The following RFX2 variants were observed in gnomAD, a reference collection of about 807,000 sequenced individuals.
RFX2 encodes regulatory factor X2.
RFX2 carries 20 observed loss-of-function variants against 87.8 expected under a neutral mutation model. The ratio of observed to expected loss-of-function variants is 0.23; its 90% CI spans 0.16 to 0.33. The LOEUF (loss-of-function observed/expected upper bound fraction) is 0.33. Ranked by LOEUF, RFX2 falls within the 10% of genes least tolerant of loss-of-function variation. The pLI, the probability that RFX2 is intolerant of heterozygous loss-of-function variation, is 1.00. For synonymous variants in RFX2, 397 were observed against 431.3 expected, an observed-to-expected ratio of 0.92 and a Z score of 0.98; for missense variants, 767 against 1,012.3, an observed-to-expected ratio of 0.76 and a Z score of 3.29.
At chr19:6,070,361 A>G (rs2087588927) in intron 1 of RFX2, among the ~76,000 whole-genome samples, 1 of 151,746 alleles carries the variant, frequency 6.6e-6, no homozygotes, top group African/African-American at 2.4e-5. Context: ...CTGGAAGGTG[A>G]CACCAAGTCA....
Position 6,074,630 on chromosome 19 carries a change from G to T in RFX2, c.-8-27126C>A, listed in dbSNP as rs2087662175. 6.6e-6 allele frequency among the ~76,000 whole-genome samples: 1 copy of T among 152,190 alleles called. No homozygotes were observed. Among genetic ancestry groups the T allele is most frequent in the Non-Finnish European group, 1.5e-5 (1 of 68,030 alleles). ...CTCAGGGAGAGACAGACGACACCAT[G>T]GACACAGAACAGCAGGAGGTGACAA... On this transcript the variant is annotated intron_variant, in intron 1 of 17. Coordinates refer to ENST00000303657, the MANE Select transcript of RFX2 (RefSeq NM_000635.4). This position sits in a 1 kb window ranked among gnomAD's most constrained non-coding sequence, Gnocchi z 5.2.
At chr19:5,994,995 C>G (rs538563334) in intron 17 of RFX2, 45 bp from the exon 18 acceptor site, 1 of 1,448,990 alleles carries the variant, frequency 6.9e-7, no homozygotes, top group Non-Finnish European at 9.6e-7. Flanking sequence ...CAGGAGGGCA[C>G]GAGAGGGAGA....
At chr19:6,070,472 C>T (rs1290131822) in intron 1 of RFX2, among the ~76,000 whole-genome samples, 1 of 152,016 alleles carries the variant, frequency 6.6e-6, no homozygotes, top group Non-Finnish European at 1.5e-5. Context: ...TGCTGGGGGC[C>T]TCCACTCTCA....
chr19:6,024,965 G>A lies in RFX2; in HGVS notation c.597+1198C>T, dbSNP rs541241515. Among the ~76,000 whole-genome samples the A allele has an allele frequency of 6.6e-6, 1 of 151,908 alleles. No homozygotes were observed. The highest frequency in any genetic ancestry group is 2.1e-4 in the South Asian group (1 of 4,808). Reference sequence around the variant, plus strand: ...GGGATCACGGTGAGGACGGGAGTCAGGACGGGATCACGGTGATGACTGGGG... The same window carrying A: ...GGGATCACGGTGAGGACGGGAGTCAAGACGGGATCACGGTGATGACTGGGG... On this transcript the variant is annotated intron_variant, in intron 6 of 17. Transcript: ENST00000303657. The surrounding 1 kb of genome is among the most constrained non-coding windows in gnomAD (Gnocchi z 5.0).
chr19:6,082,529 C>T (rs1366658056), intron 1 of RFX2, among the ~76,000 whole-genome samples: 1 of 152,066 alleles, frequency 6.6e-6, no homozygotes, highest in African/African-American at 2.4e-5. Context: ...AACTCCTGGG[C>T]TCAAGCCATC....
In RFX2 at chr19:5,993,371, G is replaced by A. The variant is rs559989192; in HGVS notation, c.*1464C>T. On this transcript the variant is annotated 3_prime_UTR_variant, in exon 18 of 18. Transcript: ENST00000303657. ...CTTTTCGTTTCTAAAGTGAGCACGCGTCTTTGTCTTCCTGCACCCCTCACT... is the reference window on the plus strand; with the variant it reads ...CTTTTCGTTTCTAAAGTGAGCACGCATCTTTGTCTTCCTGCACCCCTCACT... 14 of 152,328 alleles carry A rather than the reference G, an allele frequency of 9.2e-5. 1 individual carries two copies. Among genetic ancestry groups the A allele is most frequent in the Admixed American group, 6.5e-4 (10 of 15,300 alleles). 9.4% of individuals were successfully genotyped at this position (152,328 alleles called of 1,614,324 possible).
chr19:6,063,663 G>A lies in RFX2; in HGVS notation c.-8-16159C>T, dbSNP rs1326496045. Among the ~76,000 whole-genome samples, 4 of 152,232 alleles carry A rather than the reference G, an allele frequency of 2.6e-5. No individual in the cohort carries two copies. Among genetic ancestry groups the A allele is most frequent in the African/African-American group, 9.6e-5 (4 of 41,454 alleles). ...TCCCAGGCAAGTGATGAGCAGTGGG[G>A]AAACCCTCTCTCCAGTCAGCTTGTC... is the stretch of plus-strand genomic sequence containing the variant. On this transcript the variant is annotated intron_variant, in intron 1 of 17. Transcript: ENST00000303657. This position sits in a 1 kb window ranked among gnomAD's most constrained non-coding sequence, Gnocchi z 4.0.
chr19:6,051,985 C>G (rs914553378), intron 1 of RFX2, among the ~76,000 whole-genome samples: 1 of 152,196 alleles, frequency 6.6e-6, no homozygotes, highest in African/African-American at 2.4e-5. Flanking sequence ...TCACGCCATT[C>G]TCCTGCCTCA....
chr19:6,047,570 T>A lies in RFX2; in HGVS notation c.-8-66A>T. On this transcript the variant is annotated intron_variant, in intron 1 of 17. Transcript: ENST00000303657. The surrounding 1 kb of genome is among the most constrained non-coding windows in gnomAD (Gnocchi z 4.2). ...AAGCACTGAAATCCGAAGAGGCAAC[T>A]AACAAGTTCAAGGGAGGGAAGGAGT... 1 of 1,314,728 alleles carries A rather than the reference T, an allele frequency of 7.6e-7. No homozygotes were observed. The highest frequency in any genetic ancestry group is 1.1e-6 in the Non-Finnish European group (1 of 933,174). The allele number at this position is 1,314,728 out of a possible 1,614,324, so 81.4% of individuals were successfully genotyped here. A position where few individuals can be genotyped will look rare whatever the true frequency, so the allele number is the denominator to read the frequency against.
At position 6,063,143 on chromosome 19, in the gene RFX2, C is replaced by T. The variant is rs1479273509; in HGVS notation, c.-8-15639G>A. ...CCAGCTACTTGGTTTGAAACTCTCCCCTGGCGCCTGCTCTGTGGGGAAAGC... is the reference window on the plus strand; with the variant it reads ...CCAGCTACTTGGTTTGAAACTCTCCTCTGGCGCCTGCTCTGTGGGGAAAGC... On this transcript the variant is annotated intron_variant, in intron 1 of 17. Transcript: ENST00000303657. This position sits in a 1 kb window ranked among gnomAD's most constrained non-coding sequence, Gnocchi z 4.0. Among the ~76,000 whole-genome samples, 1 of 152,180 alleles carries T rather than the reference C, an allele frequency of 6.6e-6. No homozygotes were observed. The highest frequency in any genetic ancestry group is 1.5e-5 in the Non-Finnish European group (1 of 68,030).
Position 6,002,175 on chromosome 19 carries a change from C to A in RFX2, c.1651-152G>T. 1.5e-6 allele frequency: 1 copy of A among 660,576 alleles called. No individual in the cohort carries two copies. Among genetic ancestry groups the A allele is most frequent in the Non-Finnish European group, 2.5e-6 (1 of 402,114 alleles). 40.9% of individuals were successfully genotyped at this position (660,576 alleles called of 1,614,324 possible). On this transcript the variant is annotated intron_variant, in intron 14 of 17. Coordinates refer to ENST00000303657, the MANE Select transcript of RFX2 (RefSeq NM_000635.4). This position sits in a 1 kb window ranked among gnomAD's most constrained non-coding sequence, Gnocchi z 6.7. ...AGCTGCAAGCCAAGTCCTGTGTCTCCCGTCACAGGGGCAGAATAGAGAGCT... is the reference window on the plus strand; with the variant it reads ...AGCTGCAAGCCAAGTCCTGTGTCTCACGTCACAGGGGCAGAATAGAGAGCT...
At chr19:6,041,967 G>T (rs985392328) in intron 4 of RFX2, 77 bp downstream of exon 4, 3 of 1,110,102 alleles carry the variant, frequency 2.7e-6, no homozygotes, top group Non-Finnish European at 4.2e-6. Context: ...AGAGGAATTT[G>T]CTTGATGCCT....
chr19:6,049,582 C>T (rs1226188167), intron 1 of RFX2, among the ~76,000 whole-genome samples: 1 of 152,182 alleles, frequency 6.6e-6, no homozygotes, highest in Admixed American at 6.5e-5. Context: ...CTCTGTCACC[C>T]AGGCTGGAGT....
chr19:6,007,652 TG>T lies in RFX2; in HGVS notation c.1247+37del. 1.6e-6 allele frequency: 2 copies of T among 1,272,286 alleles called. No homozygotes were observed. Among genetic ancestry groups the T allele is most frequent in the Non-Finnish European group, 2.2e-6 (2 of 892,476 alleles). The allele number at this position is 1,272,286 out of a possible 1,614,324, so 78.8% of individuals were successfully genotyped here. ...GTGGACGTCAGCAGGGGGTTAAGTC[TG>T]GGGTGGCTGTGAACCCAGCCAGGGT... On this transcript the variant is annotated intron_variant, in intron 11 of 17. Coordinates refer to ENST00000303657, the MANE Select transcript of RFX2 (RefSeq NM_000635.4). This position sits in a 1 kb window ranked among gnomAD's most constrained non-coding sequence, Gnocchi z 8.2.
Position 6,024,441 on chromosome 19 carries a change from T to C in RFX2, c.597+1722A>G, listed in dbSNP as rs1040149276. ...AGAGGGGCGGGGCACTGAGCAGGGG[T>C]CTGGCATGGTGTTTGTTTTGTTTTG... On this transcript the variant is annotated intron_variant, in intron 6 of 17. Transcript: ENST00000303657. The surrounding 1 kb of genome is among the most constrained non-coding windows in gnomAD (Gnocchi z 5.0). Among the ~76,000 whole-genome samples the C allele has an allele frequency of 6.6e-6, 1 of 152,060 alleles. No homozygotes were observed. The highest frequency in any genetic ancestry group is 1.5e-5 in the Non-Finnish European group (1 of 68,010).
At chr19:6,081,119 C>T (rs1342281679) in intron 1 of RFX2, among the ~76,000 whole-genome samples, 1 of 151,446 alleles carries the variant, frequency 6.6e-6, no homozygotes, top group Non-Finnish European at 1.5e-5. Context: ...TGACTTACAT[C>T]TTTTAAAAGA....
Position 6,016,143 on chromosome 19 carries a change from C to T in RFX2, c.726G>A (p.Gly242=). ...KLDPVNAASF[G]KLIRSVFMGL... ...CCATAAACACAGAACGGATCAGTTT[C>T]CCGAAGGAGGCGGCGTTCACTGGGT... The change falls in exon 7 of 18, where the codon GGG becomes GGA. Residue 242 remains glycine (G), a synonymous_variant. Transcript: ENST00000303657. The surrounding 1 kb of genome is among the most constrained non-coding windows in gnomAD (Gnocchi z 5.4). The T allele has an allele frequency of 6.2e-7, 1 of 1,614,066 alleles. No individual in the cohort carries two copies. Among genetic ancestry groups the T allele is most frequent in the Non-Finnish European group, 8.5e-7 (1 of 1,179,928 alleles).
At chr19:6,096,360 C>A (rs1343953519) in intron 1 of RFX2, among the ~76,000 whole-genome samples, 1 of 152,218 alleles carries the variant, frequency 6.6e-6, no homozygotes, top group Non-Finnish European at 1.5e-5. Context: ...ACCAGTCTGT[C>A]TCACCCAATC....
In RFX2 at chr19:6,012,185, C is replaced by T. The variant is rs531191961; in HGVS notation, c.899+801G>A. The T allele has an allele frequency of 5.3e-5, 8 of 152,368 alleles. No homozygotes were observed. The highest frequency in any genetic ancestry group is 3.4e-3 in the Middle Eastern group (1 of 292). 9.4% of individuals were successfully genotyped at this position (152,368 alleles called of 1,614,324 possible). A position where few individuals can be genotyped will look rare whatever the true frequency, so the allele number is the denominator to read the frequency against. ...TGTGATGGATGGAGAAGAGGATCTT[C>T]CAGAAAATAACCAGGGCTTTCCAGC... On this transcript the variant is annotated intron_variant, in intron 8 of 17. Coordinates refer to ENST00000303657, the MANE Select transcript of RFX2 (RefSeq NM_000635.4). This position sits in a 1 kb window ranked among gnomAD's most constrained non-coding sequence, Gnocchi z 4.6.
Sources: allele counts gnomAD v4.1 joint callset (sites outside exome capture counted in the v4.1 genomes callset), GRCh38; gene constraint gnomAD v4.1.1; non-coding constraint Gnocchi (gnomAD v3.1); transcripts MANE v1.5; gene names NCBI Gene and HGNC (gene_info 2026-07-23, HGNC 2026-07-21).